KIF1C: variants seen among roughly 807,000 people sequenced by gnomAD.
KIF1C encodes kinesin-like protein KIF1C.
A neutral mutation model predicts 126.5 loss-of-function variants in KIF1C; 61 were observed. The observed-to-expected ratio is 0.48, with a 90% CI of 0.39 to 0.60. The LOEUF (loss-of-function observed/expected upper bound fraction) is 0.60, where lower values mean the gene tolerates loss of function less well. KIF1C is among the 20% of genes least tolerant of loss of function. The pLI, the probability that KIF1C is intolerant of heterozygous loss-of-function variation, is 0.00. For missense variants in KIF1C, 1,315 were observed against 1,489.2 expected (o/e 0.88, Z 1.93); for synonymous variants, 640 against 580.6 (o/e 1.10, Z -1.47).
intron 13 of KIF1C, among the ~76,000 whole-genome samples, chr17:5,006,123 C>T (rs1974726496): frequency 6.7e-6 from 1 of 149,302 alleles, no homozygotes; most frequent in Non-Finnish European, 1.5e-5. Flanking sequence ...AGGAGAATCA[C>T]TTGAACCCAG....
In KIF1C at chr17:5,002,480, T is replaced by G; in HGVS notation, c.446T>G (p.Ile149Ser). ...CCCACTCAGGTGAGCTATATGGAGATCTACTGTGAGCGGGTACGAGACCTC... is the reference window on the plus strand; with the variant it reads ...CCCACTCAGGTGAGCTATATGGAGAGCTACTGTGAGCGGGTACGAGACCTC... ...SYSVEVSYME[I>S]YCERVRDLLN... The change falls in exon 7 of 23, where the codon ATC becomes AGC. Residue 149 changes from isoleucine to serine, a missense_variant. Transcript: ENST00000320785. 6.2e-7 allele frequency: 1 copy of G among 1,603,328 alleles called. No individual in the cohort carries two copies. Among genetic ancestry groups the G allele is most frequent in the Non-Finnish European group, 8.5e-7 (1 of 1,172,950 alleles).
chr17:5,012,724 G>T (rs72838334), intron 16 of KIF1C, among the ~76,000 whole-genome samples: 9,888 of 152,202 alleles, frequency 0.065, 410 homozygotes, highest in Middle Eastern at 0.14. Flanking sequence ...GAGGTGTGTG[G>T]CACGGCAGCA....
At chr17:5,006,846 T>G in intron 13 of KIF1C, 69 bp from the exon 14 acceptor site, 13 of 1,509,294 alleles carry the variant, frequency 8.6e-6, no homozygotes, top group Non-Finnish European at 1.1e-5. Flanking sequence ...AAGCTCTTGG[T>G]CTCCTGGATG....
rs775150695 is a variant in KIF1C at position 5,002,749 on chromosome 17, CAT to C, written c.628_629del (p.Met210GlufsTer2). The C allele has an allele frequency of 6.2e-7, 1 of 1,614,100 alleles. No individual in the cohort carries two copies. Among genetic ancestry groups the C allele is most frequent in the Non-Finnish European group, 8.5e-7 (1 of 1,179,994 alleles). Reference protein sequence around the residue: ...NKARTVAATNMNETSSRSHAV... With the variant: ...NKARTVAATNXNETSSRSHAV... ...CCCTAAGGACTGTGGCTGCCACCAA[CAT>C]GAATGAGACCAGCAGCCGTTCCCAT... is the stretch of plus-strand genomic sequence containing the variant. On this transcript the variant is annotated frameshift_variant, in exon 8 of 23. Coordinates refer to ENST00000320785, the MANE Select transcript of KIF1C (RefSeq NM_006612.6). LOFTEE classifies it high-confidence loss of function.
In KIF1C at chr17:5,004,802, A is replaced by G. The variant is rs1567721551; in HGVS notation, c.1020-53A>G. ...GGAGAGGGGGAAGGAGAAACAGCAG[A>G]CCAAGGGTCCCCTGCCCCCAGGCCT... On this transcript the variant is annotated intron_variant, in intron 12 of 22. Coordinates refer to ENST00000320785, the MANE Select transcript of KIF1C (RefSeq NM_006612.6). The G allele has an allele frequency of 6.2e-6, 10 of 1,612,220 alleles. No homozygotes were observed. In the East Asian group the frequency reaches 2.2e-4, roughly 36 times the overall value.
chr17:5,005,379 C>T (rs1462673235), intron 13 of KIF1C, among the ~76,000 whole-genome samples: 2 of 152,240 alleles, frequency 1.3e-5, no homozygotes, highest in African/African-American at 4.8e-5. Flanking sequence ...GGACCATAGC[C>T]TAACAGATCT....
chr17:5,022,373 C>G lies in KIF1C; in HGVS notation c.2292C>G (p.Phe764Leu). Residue 764 changes from phenylalanine to leucine, a missense_variant, in exon 22 of 23, where the codon TTC becomes TTG. Coordinates refer to ENST00000320785, the MANE Select transcript of KIF1C (RefSeq NM_006612.6). This position sits in a 1 kb window ranked among gnomAD's most constrained non-coding sequence, Gnocchi z 4.9. ...EICYEVALAD[F>L]RHGRAEIEAL... ...GCTACGAGGTGGCCCTGGCTGACTT[C>G]CGCCACGGGCGGGCTGAGATTGAGG... The G allele has an allele frequency of 1.9e-6, 3 of 1,582,470 alleles. No individual in the cohort carries two copies. Among genetic ancestry groups the G allele is most frequent in the Non-Finnish European group, 2.6e-6 (3 of 1,163,382 alleles).
chr17:5,007,653 C>T (rs572187464), intron 16 of KIF1C, 111 bp downstream of exon 16: 23 of 772,182 alleles, frequency 3.0e-5, no homozygotes, highest in East Asian at 1.4e-4. Flanking sequence ...TTGAGGTCCC[C>T]GGCTTGTCCC....
intron 21 of KIF1C, among the ~76,000 whole-genome samples, chr17:5,021,395 C>T (rs936732041): frequency 4.6e-5 from 7 of 151,784 alleles, no homozygotes; most frequent in Non-Finnish European, 8.8e-5. Context: ...AGGCTGGTCT[C>T]GAACTCCTGA....
intron 3 of KIF1C, 55 bp downstream of exon 3, chr17:5,000,407 A>T: frequency 8.2e-7 from 1 of 1,225,734 alleles, no homozygotes; most frequent in Non-Finnish European, 1.2e-6. Context: ...CGGGCCCACC[A>T]CACAGGCCAG....
intron 4 of KIF1C, 109 bp downstream of exon 4, chr17:5,000,957 A>T: frequency 8.7e-7 from 1 of 1,153,260 alleles, no homozygotes; most frequent in Non-Finnish European, 1.3e-6. Flanking sequence ...GTCAGGGTGA[A>T]TTGGGAGGAT....
intron 16 of KIF1C, among the ~76,000 whole-genome samples, chr17:5,011,285 T>C (rs1974860501): frequency 6.6e-6 from 1 of 152,168 alleles, no homozygotes; most frequent in Non-Finnish European, 1.5e-5. Context: ...ACAGTTTGTC[T>C]TGGAGGGAGC....
At chr17:5,001,185 G>A (rs778053712) in intron 4 of KIF1C, 37 bp from the exon 5 acceptor site, 2 of 1,600,164 alleles carry the variant, frequency 1.2e-6, no homozygotes, top group South Asian at 2.2e-5. Context: ...AGACATCCAG[G>A]GTTACTCTGT....
chr17:5,007,636 G>A (rs1470015904), intron 16 of KIF1C, 94 bp downstream of exon 16: 28 of 1,031,550 alleles, frequency 2.7e-5, no homozygotes, highest in Non-Finnish European at 3.6e-5. Flanking sequence ...GTCCCTGATC[G>A]CTCCCTTTGA....
chr17:5,002,612 C>T lies in KIF1C; in HGVS notation c.578C>T (p.Ala193Val), dbSNP rs1330790473. 2 of 1,613,554 alleles carry T rather than the reference C, an allele frequency of 1.2e-6. No individual in the cohort carries two copies. The highest frequency in any genetic ancestry group is 2.2e-5 in the East Asian group (1 of 44,862). ...GCTGTGACCTCCTACGCAGACATTG[C>T]TGACCTCATGGACTGTGGAAATAAA... ...KLAVTSYADI[A>V]DLMDCGNKAR... The change falls in exon 7 of 23, where the codon GCT becomes GTT. Residue 193 changes from alanine to valine, a missense_variant. Physicochemically the swap from Ala to Val is moderately conservative, Grantham distance 64. Transcript: ENST00000320785.
At position 5,022,189 on chromosome 17, in the gene KIF1C, C is replaced by T. The variant is rs142944883; in HGVS notation, c.2108C>T (p.Thr703Met). 1.2e-5 allele frequency: 19 copies of T among 1,613,996 alleles called. No individual in the cohort carries two copies. In the African/African-American group the frequency reaches 1.3e-4, roughly 11 times the overall value. ...SSLREQLPPT[T>M]VQTIVKRCGL... is the part of the protein sequence containing the mutation. ...TTGCGGGAGCAGCTGCCGCCCACCA[C>T]GGTCCAGACCATTGTCAAACGCTGT... Residue 703 changes from threonine to methionine, a missense_variant, in exon 22 of 23, where the codon ACG (threonine) becomes ATG (methionine). Physicochemically the swap from Thr to Met is moderately conservative, Grantham distance 81 (BLOSUM62 -1). This residue lies in a region of KIF1C where 874 missense variants were observed against 1,053.2 expected (regional missense o/e 0.83). Transcript: ENST00000320785. This position sits in a 1 kb window ranked among gnomAD's most constrained non-coding sequence, Gnocchi z 4.9.
intron 14 of KIF1C, 25 bp from the exon 15 acceptor site, chr17:5,007,237 GA>G (rs1567722802): frequency 8.8e-6 from 14 of 1,597,416 alleles, no homozygotes; most frequent in Non-Finnish European, 1.1e-5. Context: ...AGACCATCCT[GA>G]AACCTACCCA....
chr17:5,009,510 C>T (rs932721457), intron 16 of KIF1C, among the ~76,000 whole-genome samples: 6 of 151,478 alleles, frequency 4.0e-5, no homozygotes, highest in African/African-American at 9.7e-5. Context: ...CTCCTTGGGT[C>T]GGGCCTGGTG....
intron 16 of KIF1C, among the ~76,000 whole-genome samples, chr17:5,013,397 G>A (rs1209225808): frequency 1.3e-5 from 2 of 152,118 alleles, no homozygotes; most frequent in Non-Finnish European, 2.9e-5. Context: ...GGCAATTTTT[G>A]TCGGCCCCTT....
Sources: gnomAD v4.1 joint callset for allele counts (sites outside exome capture counted in the v4.1 genomes callset) on GRCh38, gnomAD v4.1.1 for gene constraint, gnomAD v4.1.1 regional missense constraint, Gnocchi (gnomAD v3.1) non-coding constraint, MANE v1.5 for transcripts, NCBI Gene and HGNC (gene_info 2026-07-23, HGNC 2026-07-21) for gene names.